Variants in CPM observed in about 807,000 individuals in gnomAD.
CPM encodes the protein renal carboxypeptidase.
Under a neutral mutation model 46.4 loss-of-function variants are expected in CPM, and 35 were observed. That is an observed-to-expected ratio of 0.75 (90% CI 0.58 to 1.00). The LOEUF (loss-of-function observed/expected upper bound fraction) is 1.00, where lower values mean the gene tolerates loss of function less well. Among genes scored for constraint, CPM ranks in the 50% least tolerant of loss-of-function variants. The pLI, the probability that CPM is intolerant of heterozygous loss-of-function variation, is 0.00. For synonymous variants in CPM, 195 were observed against 195.3 expected (o/e 1.00, Z 0.01); for missense variants, 422 against 530.4 (o/e 0.80, Z 2.01).
chr12:68,899,130 T>TAGGTTA (rs1235792993), intron 2 of CPM, among the ~76,000 whole-genome samples: 2 of 152,230 alleles, frequency 1.3e-5, no homozygotes, highest in African/African-American at 4.8e-5. Flanking sequence ...TCAAATAGAC[T>TAGGTTA]ACCACTCACT....
chr12:68,949,182 C>A (rs1197482281), intron 1 of CPM, among the ~76,000 whole-genome samples: 1 of 152,112 alleles, frequency 6.6e-6, no homozygotes, highest in Non-Finnish European at 1.5e-5. Flanking sequence ...ACCAGCCTAG[C>A]CAACATGGCG....
At chr12:68,859,451 A>G (rs1695154) in intron 7 of CPM, among the ~76,000 whole-genome samples, 81,650 of 152,028 alleles carry the variant, frequency 0.54, 23,695 homozygotes, top group East Asian at 0.95. Flanking sequence ...TCAATGTATT[A>G]GTTACAACAA....
intron 2 of CPM, among the ~76,000 whole-genome samples, chr12:68,913,234 T>C (rs1887671561): frequency 6.6e-6 from 1 of 152,222 alleles, no homozygotes; most frequent in South Asian, 2.1e-4. Context: ...TGCCCCCTAC[T>C]GTCCCCTACC....
At chr12:68,865,246 G>C (rs911174336) in intron 7 of CPM, among the ~76,000 whole-genome samples, 5 of 152,172 alleles carry the variant, frequency 3.3e-5, no homozygotes, top group African/African-American at 1.2e-4. Context: ...TAAGATGCTG[G>C]TGAGAAAGAA....
At chr12:68,875,816 A>G (rs1268952369) in intron 3 of CPM, among the ~76,000 whole-genome samples, 4 of 151,952 alleles carry the variant, frequency 2.6e-5, no homozygotes, top group Admixed American at 2.6e-4. Flanking sequence ...AAAAAAAAAA[A>G]AAAGAAAGAC....
Position 68,953,972 on chromosome 12 carries a change from G to T in CPM, c.-4+9197C>A, listed in dbSNP as rs559745428. On this transcript the variant is annotated intron_variant, in intron 1 of 8. Coordinates refer to the CPM transcript ENST00000546373. ...TACAACATAGAAATCCATCAGGCGTGAGTTATTCCCAGCCAGATTTTCTAT... is the reference window on the plus strand; with the variant it reads ...TACAACATAGAAATCCATCAGGCGTTAGTTATTCCCAGCCAGATTTTCTAT... Among the ~76,000 whole-genome samples the T allele has an allele frequency of 3.2e-4, 49 of 152,314 alleles. No individual in the cohort carries two copies. The South Asian group carries it at 9.3e-3, about 29-fold the overall frequency.
intron 3 of CPM, among the ~76,000 whole-genome samples, chr12:68,873,690 GAA>G (rs990867048): frequency 6.1e-5 from 9 of 147,708 alleles, no homozygotes; most frequent in Non-Finnish European, 1.0e-4. Flanking sequence ...AAAAAAGAAA[GAA>G]AGAAAATTTG....
At chr12:68,874,908 C>T (rs895303416) in intron 3 of CPM, among the ~76,000 whole-genome samples, 4 of 152,066 alleles carry the variant, frequency 2.6e-5, no homozygotes, top group Admixed American at 1.3e-4. Flanking sequence ...CAAACAATCA[C>T]GACACGAGTT....
In CPM at chr12:68,916,827, G is replaced by A. The variant is rs1199395555; in HGVS notation, c.160+15851C>T. Reference sequence around the variant, plus strand: ...CGCTTGAACTCAGGAAGCGGAGGTTGCAGTGAGCTGGGATCGCACCATTGC... The same window carrying A: ...CGCTTGAACTCAGGAAGCGGAGGTTACAGTGAGCTGGGATCGCACCATTGC... On this transcript the variant is annotated intron_variant, in intron 2 of 8. Coordinates refer to ENST00000551568, the MANE Select transcript of CPM (RefSeq NM_198320.5). 2.0e-5 allele frequency among the ~76,000 whole-genome samples: 3 copies of A among 149,796 alleles called. No homozygotes were observed. The Admixed American group carries it at 2.0e-4, about 10-fold the overall frequency.
At chr12:68,899,359 C>T (rs1276367095) in intron 2 of CPM, among the ~76,000 whole-genome samples, 1 of 152,246 alleles carries the variant, frequency 6.6e-6, no homozygotes, top group African/African-American at 2.4e-5. Flanking sequence ...CGCATGTTGC[C>T]ATGAGGGCAG....
chr12:68,916,604 C>T (rs1887814363), intron 2 of CPM, among the ~76,000 whole-genome samples: 1 of 152,058 alleles, frequency 6.6e-6, no homozygotes, highest in Non-Finnish European at 1.5e-5. Flanking sequence ...TAAAGAGAAT[C>T]TCTGGGCTGG....
At chr12:68,953,650 G>A (rs561711047) in intron 1 of CPM, among the ~76,000 whole-genome samples, 1 of 152,338 alleles carries the variant, frequency 6.6e-6, no homozygotes, top group African/African-American at 2.4e-5. Context: ...TCCCTGCCCT[G>A]ATGGTGGTGC....
rs73340452 is a variant in CPM, at chr12:68,908,733, G to A, written c.161-22844C>T. Among the ~76,000 whole-genome samples the A allele has an allele frequency of 5.3e-3, 811 of 152,232 alleles. 5 individuals are homozygous for A. The highest frequency in any genetic ancestry group is 0.018 in the African/African-American group (768 of 41,534). On this transcript the variant is annotated intron_variant, in intron 2 of 8. Transcript: ENST00000551568. ...TGGGGGAAAGAGGGCCTTTTTAAGT[G>A]AGGCATGGAACATAAAAGCATAAAG...
At chr12:68,924,918 G>A (rs1371485213) in intron 2 of CPM, among the ~76,000 whole-genome samples, 1 of 152,190 alleles carries the variant, frequency 6.6e-6, no homozygotes, top group African/African-American at 2.4e-5. Flanking sequence ...CCTCTTAGGA[G>A]CAAGAATCTT....
At chr12:68,857,773 G>C (rs1210211205) in intron 8 of CPM, among the ~76,000 whole-genome samples, 1 of 152,048 alleles carries the variant, frequency 6.6e-6, no homozygotes, top group African/African-American at 2.4e-5. Flanking sequence ...CTAACTAATG[G>C]GAAATGAACA....
In CPM at chr12:68,957,591, T is replaced by G. The variant is rs539460875; in HGVS notation, c.-4+5578A>C. The G allele has an allele frequency of 3.6e-4, 56 of 157,150 alleles. 1 individual carries two copies. In the South Asian group the frequency reaches 0.01, roughly 29 times the overall value. 9.7% of individuals were successfully genotyped at this position (157,150 alleles called of 1,614,324 possible). On this transcript the variant is annotated intron_variant, in intron 1 of 8. Coordinates refer to the CPM transcript ENST00000546373. ...TGACTTTTCCTTCCAAAATGCATACTGTGTCCACATAAGGCAAAGACTCCA... is the reference window on the plus strand; with the variant it reads ...TGACTTTTCCTTCCAAAATGCATACGGTGTCCACATAAGGCAAAGACTCCA...
At chr12:68,922,320 A>G (rs1462624342) in intron 2 of CPM, among the ~76,000 whole-genome samples, 1 of 152,252 alleles carries the variant, frequency 6.6e-6, no homozygotes, top group Non-Finnish European at 1.5e-5. Flanking sequence ...ATGTGTTTGA[A>G]TAACTGTCAA....
intron 4 of CPM, 113 bp downstream of exon 4, chr12:68,871,671 G>T: frequency 8.9e-7 from 1 of 1,127,236 alleles, no homozygotes. Context: ...ACATGACACC[G>T]GCTCTGAGGG....
intron 2 of CPM, among the ~76,000 whole-genome samples, chr12:68,903,218 T>C (rs949290553): frequency 2.0e-5 from 3 of 152,224 alleles, no homozygotes; most frequent in African/African-American, 7.2e-5. Context: ...AGTCGGCTGA[T>C]CACATGTTTT....
Sources: gnomAD v4.1 joint callset for allele counts (sites outside exome capture counted in the v4.1 genomes callset) on GRCh38, gnomAD v4.1.1 for gene constraint, MANE v1.5 for transcripts, NCBI Gene and HGNC (gene_info 2026-07-23, HGNC 2026-07-21) for gene names.